KIF4A: variants seen among roughly 807,000 people sequenced by gnomAD.
KIF4A encodes chromosome-associated kinesin KIF4A.
Under a neutral mutation model 105.9 loss-of-function variants are expected in KIF4A, and 7 were observed. The observed-to-expected ratio is 0.07, with a 90% CI of 0.04 to 0.12. The LOEUF (loss-of-function observed/expected upper bound fraction) is 0.12, where lower values mean the gene tolerates loss of function less well. KIF4A is among the 10% of genes least tolerant of loss of function. The pLI is 1.00. For missense variants in KIF4A, 558 were observed against 929.2 expected (o/e 0.60, Z 5.19); for synonymous variants, 281 against 331.3 (o/e 0.85, Z 1.65).
intron 15 of KIF4A, among the ~76,000 whole-genome samples, chrX:70,367,959 C>CT (rs1306717296): frequency 2.2e-4 from 24 of 111,585 alleles, no homozygotes; most frequent in Non-Finnish European, 4.3e-4. Context: ...TCTTTTTATT[C>CT]TTTTTTCTCT....
At chrX:70,376,670 T>C (rs1396736514) in intron 18 of KIF4A, among the ~76,000 whole-genome samples, 1 of 112,014 alleles carries the variant, frequency 8.9e-6, no homozygotes, top group South Asian at 3.7e-4. Flanking sequence ...ATGACAACTT[T>C]GTAGACACAT....
Position 70,341,912 on chromosome X carries a change from T to C in KIF4A, c.1247T>C (p.Met416Thr). ...GAGGCAGCTGGTCAGACAGCCCAGA[T>C]GTTGGAGAGGATCATTTTGGTAAGC... ...LSEAAGQTAQ[M>T]LERIILTEQA... The change falls in exon 11 of 31, where the codon ATG becomes ACG. Residue 416 changes from methionine (M) to threonine (T), a missense_variant. Around this residue, in one of 2 missense-constraint regions of KIF4A, gnomAD observed 469 missense variants for 680.4 expected, o/e 0.69. Transcript: ENST00000374403. The C allele has an allele frequency of 8.3e-7, 1 of 1,209,576 alleles. No individual in the cohort carries two copies. Among genetic ancestry groups the C allele is most frequent in the South Asian group, 1.8e-5 (1 of 56,125 alleles).
chrX:70,356,594 T>TA (rs1184163772), intron 15 of KIF4A, among the ~76,000 whole-genome samples: 1 of 112,283 alleles, frequency 8.9e-6, no homozygotes, highest in Non-Finnish European at 1.9e-5. Context: ...ACTTAATTTT[T>TA]ATCTATGTCA....
At position 70,358,319 on chromosome X, in the gene KIF4A, C is replaced by T. The variant is rs868425452; in HGVS notation, c.1674+4512C>T. ...TATCATTTCTTTGATAATGCTATCT[C>T]TACATTTTCTCTGTTTTCTCTTTCT... is the stretch of plus-strand genomic sequence containing the variant. On this transcript the variant is annotated intron_variant, in intron 15 of 30. Coordinates refer to ENST00000374403, the MANE Select transcript of KIF4A (RefSeq NM_012310.5). 7.2e-5 allele frequency among the ~76,000 whole-genome samples: 8 copies of T among 111,298 alleles called. No individual in the cohort carries two copies. In the South Asian group the frequency reaches 1.1e-3, roughly 16 times the overall value.
At chrX:70,399,594 T>G (rs1347148907) in intron 22 of KIF4A, among the ~76,000 whole-genome samples, 2 of 110,074 alleles carry the variant, frequency 1.8e-5, no homozygotes, top group Non-Finnish European at 3.8e-5. Context: ...TAGAATGATG[T>G]ATTCGTAAAT....
At chrX:70,373,046 A>G (rs749498924) in intron 15 of KIF4A, among the ~76,000 whole-genome samples, 18 of 111,826 alleles carry the variant, frequency 1.6e-4, no homozygotes, top group Non-Finnish European at 2.8e-4. Flanking sequence ...CCAAGGTGGG[A>G]GGATCGCTTG....
Position 70,362,170 on chromosome X carries a change from C to A in KIF4A, c.1674+8363C>A, listed in dbSNP as rs2086078585. Reference sequence around the variant, plus strand: ...GTCTCTAGTGACTTATGAGGCAAGACCTTGTAGTCCTCTGTGGGGTAGAGC... The same window carrying A: ...GTCTCTAGTGACTTATGAGGCAAGAACTTGTAGTCCTCTGTGGGGTAGAGC... On this transcript the variant is annotated intron_variant, in intron 15 of 30. Coordinates refer to ENST00000374403, the MANE Select transcript of KIF4A (RefSeq NM_012310.5). 18 of 250,220 alleles carry A rather than the reference C, an allele frequency of 7.2e-5. No homozygotes were observed. In the South Asian group the frequency reaches 8.5e-4, roughly 12 times the overall value. The allele number at this position is 250,220 out of a possible 1,213,427, so 20.6% of individuals were successfully genotyped here. A position where few individuals can be genotyped will look rare whatever the true frequency, so the allele number is the denominator to read the frequency against.
chrX:70,408,970 A>G (rs890009758), intron 28 of KIF4A, among the ~76,000 whole-genome samples: 3 of 111,911 alleles, frequency 2.7e-5, no homozygotes, highest in East Asian at 5.7e-4. Context: ...GGTTCAAGCG[A>G]TTCTCCAGCC....
chrX:70,401,404 AT>A lies in KIF4A; in HGVS notation c.2490-1148del, dbSNP rs773667304. Among the ~76,000 whole-genome samples, 388 of 82,340 alleles carry A rather than the reference AT, an allele frequency of 4.7e-3. 2 individuals carry two copies. The highest frequency in any genetic ancestry group is 0.013 in the African/African-American group (292 of 21,953). 71.5% of individuals were successfully genotyped at this position (82,340 alleles called of 115,157 possible). A position where few individuals can be genotyped will look rare whatever the true frequency, so the allele number is the denominator to read the frequency against. Reference sequence around the variant, plus strand: ...AGGTTTATGATTTTTAAGTGAATTAATTTTTTTTTTTTTTGAGATGGAGTAT... The same window carrying A: ...AGGTTTATGATTTTTAAGTGAATTAATTTTTTTTTTTTTGAGATGGAGTAT... On this transcript the variant is annotated intron_variant, in intron 22 of 30. Transcript: ENST00000374403.
At position 70,365,980 on chromosome X, in the gene KIF4A, A is replaced by G. The variant is rs750277536; in HGVS notation, c.1675-8171A>G. ...TCCTGGTTTAGTCTTGGGAGGGTGT[A>G]TGTGTCGAGGAGTTTATCCATTTCT... On this transcript the variant is annotated intron_variant, in intron 15 of 30. Transcript: ENST00000374403. Among the ~76,000 whole-genome samples the G allele has an allele frequency of 2.7e-5, 3 of 110,937 alleles. No homozygotes were observed. In the East Asian group the frequency reaches 8.4e-4, roughly 31 times the overall value.
At position 70,330,954 on chromosome X, in the gene KIF4A, T is replaced by G. The variant is rs545173059; in HGVS notation, c.1071+622T>G. 1.8e-3 allele frequency among the ~76,000 whole-genome samples: 205 copies of G among 111,906 alleles called. 2 individuals are homozygous for G. The South Asian group carries it at 0.056, about 31-fold the overall frequency. On this transcript the variant is annotated intron_variant, in intron 9 of 30. Coordinates refer to ENST00000374403, the MANE Select transcript of KIF4A (RefSeq NM_012310.5). ...CAGGGCTGACCGCAGGACTGGACTA[T>G]GCATCTACATTTTTGTATACGCACA...
intron 10 of KIF4A, among the ~76,000 whole-genome samples, chrX:70,340,342 C>T (rs1408455196): frequency 1.8e-5 from 2 of 111,958 alleles, no homozygotes; most frequent in Admixed American, 9.5e-5. Context: ...AAGCATTTGC[C>T]TCAAATTACA....
intron 28 of KIF4A, among the ~76,000 whole-genome samples, chrX:70,410,323 C>T (rs2086316881): frequency 8.9e-6 from 1 of 111,788 alleles, no homozygotes; most frequent in African/African-American, 3.3e-5. Flanking sequence ...GATGACTTGT[C>T]CAGAGTTAAT....
intron 7 of KIF4A, among the ~76,000 whole-genome samples, chrX:70,322,360 G>A (rs1403784061): frequency 2.8e-5 from 3 of 108,455 alleles, no homozygotes; most frequent in Non-Finnish European, 3.8e-5. Context: ...CGCCCAGGCT[G>A]AAGTGCAGTG....
chrX:70,329,337 C>A, intron 7 of KIF4A, 68 bp from the exon 8 acceptor site: 1 of 944,661 alleles, frequency 1.1e-6, no homozygotes, highest in African/African-American at 1.9e-5. Context: ...TTTTCTCTTT[C>A]TCAGAAGAAA....
chrX:70,324,606 A>G (rs984382420), intron 7 of KIF4A, among the ~76,000 whole-genome samples: 1 of 111,102 alleles, frequency 9.0e-6, no homozygotes, highest in African/African-American at 3.3e-5. Context: ...CATTAAAATA[A>G]CCTTCTAAAT....
rs1482282869 is a variant in KIF4A, at chrX:70,366,798, A to G, written c.1675-7353A>G. On this transcript the variant is annotated intron_variant, in intron 15 of 30. Transcript: ENST00000374403. Reference sequence around the variant, plus strand: ...GTGCAGAGCTGAGTTCAATTCCTGGATATCCTTGTTAATTTTCTGTCTCAT... The same window carrying G: ...GTGCAGAGCTGAGTTCAATTCCTGGGTATCCTTGTTAATTTTCTGTCTCAT... 4.5e-5 allele frequency among the ~76,000 whole-genome samples: 5 copies of G among 111,133 alleles called. No individual in the cohort carries two copies. The East Asian group carries it at 1.4e-3, about 31-fold the overall frequency.
chrX:70,295,486 CAG>C lies in KIF4A; in HGVS notation c.236-1510_236-1509del, dbSNP rs532831674. ...ACCACGCCTGGCCAATAAACTCAAA[CAG>C]AAATATATTTTATGGGTCTTTCTGC... On this transcript the variant is annotated intron_variant, in intron 3 of 30. Transcript: ENST00000374403. Among the ~76,000 whole-genome samples, 143 of 110,774 alleles carry C rather than the reference CAG, an allele frequency of 1.3e-3. 2 individuals are homozygous for C. In the South Asian group the frequency reaches 0.054, roughly 42 times the overall value.
At chrX:70,382,223 A>C (rs903696284) in intron 18 of KIF4A, among the ~76,000 whole-genome samples, 1 of 112,139 alleles carries the variant, frequency 8.9e-6, no homozygotes, top group Admixed American at 9.5e-5. Flanking sequence ...TGAGGTCAGG[A>C]GTTCAAGACC....
Sources: allele counts gnomAD v4.1 joint callset (sites outside exome capture counted in the v4.1 genomes callset), GRCh38; gene constraint gnomAD v4.1.1; regional missense constraint gnomAD v4.1.1; transcripts MANE v1.5; gene names NCBI Gene and HGNC (gene_info 2026-07-23, HGNC 2026-07-21).